The following OR51B5 variants were observed in gnomAD, a reference collection of about 807,000 sequenced individuals.
OR51B5 encodes the protein olfactory receptor family 51 subfamily B member 5, also known as olfactory receptor 51B5.
For missense variants in OR51B5, 456 were observed against 374.6 expected, an observed-to-expected ratio of 1.22 and a Z score of -1.79; for synonymous variants, 186 against 144.8, an observed-to-expected ratio of 1.28 and a Z score of -2.04.
intron 1 of OR51B5, among the ~76,000 whole-genome samples, chr11:5,384,554 G>A (rs1849655789): frequency 6.6e-6 from 1 of 152,208 alleles, no homozygotes; most frequent in Non-Finnish European, 1.5e-5. Context: ...ATGAGTGCCT[G>A]CATGGCCAGG....
rs1445477987 is a variant in OR51B5 at position 5,403,500 on chromosome 11, C to T, written n.85-56590G>A. On this transcript the variant is annotated intron_variant and non_coding_transcript_variant, in intron 1 of 4. Transcript: ENST00000415970. The stretch of plus-strand genomic sequence containing the variant: ...CTACAGCATTAAGACCAAGGAGATC[C>T]ATGGTGCCATTGTCCGAATGCTATT... 3 of 471,666 alleles carry T rather than the reference C, an allele frequency of 6.4e-6. No homozygotes were observed. The Admixed American group carries it at 7.0e-5, about 11-fold the overall frequency. 29.2% of individuals were successfully genotyped at this position (471,666 alleles called of 1,614,324 possible).
At chr11:5,414,884 A>G (rs1377255457) in intron 1 of OR51B5, among the ~76,000 whole-genome samples, 1 of 152,216 alleles carries the variant, frequency 6.6e-6, no homozygotes, top group Non-Finnish European at 1.5e-5. Flanking sequence ...AAAGTCAACA[A>G]GGATACACAG....
rs374491977 is a variant in OR51B5 at position 5,389,645 on chromosome 11, C to G, written n.85-42735G>C. ...ACTATCCTTGCTGGCCCTCACTGAC[C>G]TGGGGCTGTGTGTGTCCACGTTGCC... On this transcript the variant is annotated intron_variant and non_coding_transcript_variant, in intron 1 of 4. Transcript: ENST00000415970. 1.1e-5 allele frequency: 17 copies of G among 1,613,568 alleles called. No homozygotes were observed. The highest frequency in any genetic ancestry group is 2.7e-5 in the African/African-American group (2 of 74,928).
intron 1 of OR51B5, among the ~76,000 whole-genome samples, chr11:5,475,010 A>G (rs1263124569): frequency 6.6e-6 from 1 of 152,200 alleles, no homozygotes; most frequent in Non-Finnish European, 1.5e-5. Flanking sequence ...AGCTCAATAA[A>G]TAGGTGTTTG....
intron 1 of OR51B5, among the ~76,000 whole-genome samples, chr11:5,417,251 C>T (rs1348882179): frequency 1.3e-5 from 2 of 148,544 alleles, no homozygotes; most frequent in South Asian, 2.2e-4. Flanking sequence ...TGGATCCCTT[C>T]CTTACACCTT....
chr11:5,441,230 C>A (rs369050870), intron 1 of OR51B5: 1 of 1,613,808 alleles, frequency 6.2e-7, no homozygotes, highest in East Asian at 2.2e-5. Context: ...AAGCATTAAA[C>A]GCAACATGGT....
chr11:5,424,909 G>A (rs1850422757), intron 1 of OR51B5, among the ~76,000 whole-genome samples: 1 of 106,506 alleles, frequency 9.4e-6, no homozygotes, highest in African/African-American at 3.3e-5. Flanking sequence ...GGGAACCCGG[G>A]AGGCGGAGCT....
rs541237897 is a variant in OR51B5 at position 5,440,913 on chromosome 11, C to T, written n.84+64656G>A. 9 of 1,613,746 alleles carry T rather than the reference C, an allele frequency of 5.6e-6. No homozygotes were observed. In the South Asian group the frequency reaches 6.6e-5, roughly 12 times the overall value. On this transcript the variant is annotated intron_variant and non_coding_transcript_variant, in intron 1 of 4. Transcript: ENST00000415970. Reference sequence around the variant, plus strand: ...ATAGGTAAAAATGATCACCAAGAGCCCATAAATGTTGTTAACATGGATGTC... The same window carrying T: ...ATAGGTAAAAATGATCACCAAGAGCTCATAAATGTTGTTAACATGGATGTC...
At chr11:5,395,383 T>C (rs1026662101) in intron 1 of OR51B5, among the ~76,000 whole-genome samples, 21 of 152,180 alleles carry the variant, frequency 1.4e-4, no homozygotes, top group African/African-American at 4.1e-4. Context: ...AAGGAAGTCA[T>C]TGGAGTGACC....
intron 1 of OR51B5, among the ~76,000 whole-genome samples, chr11:5,457,666 C>T (rs1225490675): frequency 6.6e-6 from 1 of 152,186 alleles, no homozygotes; most frequent in Non-Finnish European, 1.5e-5. Flanking sequence ...TCATTTCTCA[C>T]TGGTATGAGA....
chr11:5,440,199 GGCAGGA>G (rs1271395827), intron 1 of OR51B5, among the ~76,000 whole-genome samples: 1 of 151,982 alleles, frequency 6.6e-6, no homozygotes, highest in Non-Finnish European at 1.5e-5. Flanking sequence ...CTTCACTCTG[GGCAGGA>G]GCAGAATTAT....
chr11:5,389,335 G>A (rs1589969406), intron 1 of OR51B5: 1 of 1,482,632 alleles, frequency 6.7e-7, no homozygotes, highest in Non-Finnish European at 9.3e-7. Flanking sequence ...TGTTGTGAAT[G>A]TTAGTGAAGC....
intron 1 of OR51B5, among the ~76,000 whole-genome samples, chr11:5,386,940 C>G (rs10742659): frequency 0.77 from 116,793 of 151,860 alleles, 45,416 homozygotes; most frequent in Middle Eastern, 0.83. Flanking sequence ...GGATGCTGGG[C>G]TCAATATTAG....
chr11:5,441,151 A>C, intron 1 of OR51B5: 1 of 1,614,038 alleles, frequency 6.2e-7, no homozygotes, highest in Non-Finnish European at 8.5e-7. Flanking sequence ...AAGCGATCCA[A>C]GCTCATGGCC....
intron 1 of OR51B5, among the ~76,000 whole-genome samples, chr11:5,494,320 T>C (rs926649373): frequency 6.6e-6 from 1 of 152,200 alleles, no homozygotes; most frequent in Non-Finnish European, 1.5e-5. Flanking sequence ...CATTTCTTTG[T>C]CTCTTCCTCT....
At chr11:5,485,889 A>T (rs981900328) in intron 1 of OR51B5, among the ~76,000 whole-genome samples, 1 of 152,134 alleles carries the variant, frequency 6.6e-6, no homozygotes, top group Non-Finnish European at 1.5e-5. Flanking sequence ...ATGTGACTGT[A>T]TTTAATGATA....
At chr11:5,454,006 T>C in intron 1 of OR51B5, 2 of 1,614,048 alleles carry the variant, frequency 1.2e-6, no homozygotes, top group Non-Finnish European at 1.7e-6. Context: ...AGATCCAATG[T>C]TCTTTCTCAC....
chr11:5,466,140 G>A (rs115901218), intron 1 of OR51B5, among the ~76,000 whole-genome samples: 3,536 of 152,242 alleles, frequency 0.023, 123 homozygotes, highest in African/African-American at 0.079. Context: ...AAAAGTGGGC[G>A]AAGGTTGATA....
At chr11:5,407,549 T>A (rs2133747234) in intron 1 of OR51B5, among the ~76,000 whole-genome samples, 1 of 152,306 alleles carries the variant, frequency 6.6e-6, no homozygotes, top group African/African-American at 2.4e-5. Context: ...CGCTTTTGAT[T>A]TCTCACACAT....
Sources: allele counts gnomAD v4.1 joint callset (sites outside exome capture counted in the v4.1 genomes callset), GRCh38; gene constraint gnomAD v4.1.1; transcripts MANE v1.5; gene names NCBI Gene and HGNC (gene_info 2026-07-23, HGNC 2026-07-21).